Variants in SLC24A4 observed in about 807,000 individuals in gnomAD.
The protein encoded by SLC24A4 is sodium/potassium/calcium exchanger 4.
A neutral mutation model predicts 79.0 loss-of-function variants in SLC24A4; 53 were observed. That is an observed-to-expected ratio of 0.67 (90% CI 0.54 to 0.84). The LOEUF (loss-of-function observed/expected upper bound fraction) is 0.84, where lower values mean the gene tolerates loss of function less well. SLC24A4 is among the 40% of genes least tolerant of loss of function. The pLI is 0.00. For synonymous variants in SLC24A4, 323 were observed against 323.8 expected (o/e 1.00, Z 0.03); for missense variants, 731 against 822.0 (o/e 0.89, Z 1.35).
chr14:92,353,489 C>G lies in SLC24A4; in HGVS notation c.241+27511C>G, dbSNP rs1887000610. ...CAGATGGTGCCAGAGGGTCCTCCAT[C>G]AAGTCTGTACCCATTGGCAGCCTTT... On this transcript the variant is annotated intron_variant, in intron 2 of 16. Transcript: ENST00000532405. This position sits in a 1 kb window ranked among gnomAD's most constrained non-coding sequence, Gnocchi z 4.1. 6.6e-6 allele frequency among the ~76,000 whole-genome samples: 1 copy of G among 152,328 alleles called. No homozygotes were observed. The highest frequency in any genetic ancestry group is 2.1e-4 in the South Asian group (1 of 4,828).
chr14:92,447,508 C>G, intron 9 of SLC24A4, 84 bp downstream of exon 9: 1 of 1,320,726 alleles, frequency 7.6e-7, no homozygotes, highest in Non-Finnish European at 1.1e-6. Flanking sequence ...GGGAGAAAAA[C>G]ATCTGTCAGA....
rs11849616 is a variant in SLC24A4, at chr14:92,482,648, C to T, written c.1256-32C>T. On this transcript the variant is annotated intron_variant, in intron 12 of 16. Coordinates refer to ENST00000532405, the MANE Select transcript of SLC24A4 (RefSeq NM_153646.4). ...TGTTACCCAGTGTCTTTCTCTCCCC[C>T]TCCTTTCTCACTCTGCCCCTTCACC... 8 of 1,567,540 alleles carry T rather than the reference C, an allele frequency of 5.1e-6. No homozygotes were observed. The Middle Eastern group carries it at 8.5e-4, about 167-fold the overall frequency.
intron 2 of SLC24A4, among the ~76,000 whole-genome samples, chr14:92,357,349 G>A (rs1887236749): frequency 1.3e-5 from 2 of 152,168 alleles, no homozygotes; most frequent in Admixed American, 1.3e-4. Flanking sequence ...ACGTAACTAG[G>A]AAGAATATAT....
chr14:92,467,888 C>T (rs1277423290), intron 12 of SLC24A4, among the ~76,000 whole-genome samples: 1 of 152,194 alleles, frequency 6.6e-6, no homozygotes, highest in Non-Finnish European at 1.5e-5. Context: ...CATCCCCCAG[C>T]CCTGCTGGAC....
intron 3 of SLC24A4, among the ~76,000 whole-genome samples, chr14:92,435,564 T>A (rs1266033874): frequency 2.6e-5 from 4 of 152,144 alleles, no homozygotes; most frequent in South Asian, 2.1e-4. Flanking sequence ...CACAGCAAAT[T>A]TTCCTCCTGA....
chr14:92,323,150 G>A (rs1884884256), upstream of SLC24A4: 1 of 152,164 alleles, frequency 6.6e-6, no homozygotes, highest in African/African-American at 2.4e-5. This position sits in a 1 kb window ranked among gnomAD's most constrained non-coding sequence, Gnocchi z 4.9. Flanking sequence ...CGGGCGGGAG[G>A]CGCCACGGCC....
Position 92,440,803 on chromosome 14 carries a change from G to A in SLC24A4, c.394-1286G>A, listed in dbSNP as rs116118583. Among the ~76,000 whole-genome samples the A allele has an allele frequency of 4.1e-3, 617 of 151,790 alleles. 3 individuals carry two copies. Among genetic ancestry groups the A allele is most frequent in the African/African-American group, 0.014 (593 of 41,340 alleles). ...AAATCTGGGAAGGCTTCATGGAGGA[G>A]GTGGCATTGGGTCCAGGTTTCAGAA... is the stretch of plus-strand genomic sequence containing the variant. On this transcript the variant is annotated intron_variant, in intron 4 of 16. Coordinates refer to ENST00000532405, the MANE Select transcript of SLC24A4 (RefSeq NM_153646.4).
At chr14:92,324,255 G>C (rs1429054850) in intron 1 of SLC24A4, among the ~76,000 whole-genome samples, 1 of 152,236 alleles carries the variant, frequency 6.6e-6, no homozygotes, top group Non-Finnish European at 1.5e-5. Context: ...AGTGCGCCCG[G>C]AATGGGCAGC....
chr14:92,429,288 G>A (rs1182908108), intron 2 of SLC24A4, among the ~76,000 whole-genome samples: 1 of 152,098 alleles, frequency 6.6e-6, no homozygotes, highest in Non-Finnish European at 1.5e-5. Flanking sequence ...TCTGAGGTAT[G>A]GTGGTAGATA....
At chr14:92,409,266 A>G (rs148182924) in intron 2 of SLC24A4, among the ~76,000 whole-genome samples, 3 of 152,278 alleles carry the variant, frequency 2.0e-5, no homozygotes, top group African/African-American at 7.2e-5. Context: ...TGGAGAATGG[A>G]CCTAGGGAAG....
In SLC24A4 at chr14:92,433,992, A is replaced by T; in HGVS notation, c.318+4A>T. On this transcript the variant is annotated splice_donor_region_variant and intron_variant, in intron 3 of 16. Transcript: ENST00000532405. ...CGTCCTGCTGCACATCCTTGGTGTA[A>T]GTCGTCCTCCCAGAGTGGTCACAAA... The T allele has an allele frequency of 6.2e-7, 1 of 1,613,700 alleles. No individual in the cohort carries two copies. The highest frequency in any genetic ancestry group is 8.5e-7 in the Non-Finnish European group (1 of 1,179,540).
intron 7 of SLC24A4, 150 bp from the exon 8 acceptor site, chr14:92,445,167 G>A (rs1221497953): frequency 2.3e-6 from 2 of 854,562 alleles, no homozygotes; most frequent in Non-Finnish European, 4.0e-6. Context: ...ACTAAGGAAA[G>A]GCCCGTAGGT....
intron 2 of SLC24A4, among the ~76,000 whole-genome samples, chr14:92,356,704 T>C (rs7143549): frequency 1 from 152,343 of 152,352 alleles, 76,167 homozygotes; most frequent in Non-Finnish European, 1. Flanking sequence ...AGACCTTGTC[T>C]TTCTCCTGGA....
chr14:92,331,306 C>T (rs1885462150), intron 2 of SLC24A4, among the ~76,000 whole-genome samples: 1 of 152,146 alleles, frequency 6.6e-6, no homozygotes, highest in Admixed American at 6.5e-5. Context: ...AAAAATGAGA[C>T]AGGGTCTCAC....
intron 11 of SLC24A4, among the ~76,000 whole-genome samples, chr14:92,455,302 T>A (rs948626572): frequency 6.6e-6 from 1 of 152,166 alleles, no homozygotes; most frequent in Non-Finnish European, 1.5e-5. Flanking sequence ...ACAAAAGACA[T>A]GTACACAAAT....
rs537016775 is a variant in SLC24A4 at position 92,379,094 on chromosome 14, A to C, written c.241+53116A>C. ...AATAAATAGCTAGCTAGCTAGCTAG[A>C]TAGATAGCAAAATGATACCTTGGAA... On this transcript the variant is annotated intron_variant, in intron 2 of 16. Coordinates refer to ENST00000532405, the MANE Select transcript of SLC24A4 (RefSeq NM_153646.4). Among the ~76,000 whole-genome samples, 47 of 152,178 alleles carry C rather than the reference A, an allele frequency of 3.1e-4. 1 individual carries two copies. Among genetic ancestry groups the C allele is most frequent in the Non-Finnish European group, 4.9e-4 (33 of 68,012 alleles).
At chr14:92,376,713 G>A (rs1274490634) in intron 2 of SLC24A4, among the ~76,000 whole-genome samples, 1 of 152,212 alleles carries the variant, frequency 6.6e-6, no homozygotes, top group East Asian at 1.9e-4. Flanking sequence ...GTTTAGCTCA[G>A]GTGCCTGGGG....
Position 92,442,711 on chromosome 14 carries a change from A to C in SLC24A4, c.479-2A>C, listed in dbSNP as rs1892566422. ...CCCAGGGTCTGTGTGTTTCCTTTCC[A>C]GGGGTGTTCATCACCCATGGGGACG... On this transcript the variant is annotated splice_acceptor_variant, in intron 5 of 16. Transcript: ENST00000532405. LOFTEE classifies it high-confidence loss of function. 1 of 1,607,568 alleles carries C rather than the reference A, an allele frequency of 6.2e-7. No individual in the cohort carries two copies. Among genetic ancestry groups the C allele is most frequent in the African/African-American group, 1.3e-5 (1 of 74,740 alleles).
chr14:92,394,239 A>G (rs143164277), intron 2 of SLC24A4, among the ~76,000 whole-genome samples: 156 of 151,994 alleles, frequency 1.0e-3, no homozygotes, highest in African/African-American at 3.7e-3. Context: ...CTCTCTCCTT[A>G]TAAATTAGAA....
Sources: gnomAD v4.1 joint callset for allele counts (sites outside exome capture counted in the v4.1 genomes callset) on GRCh38, gnomAD v4.1.1 for gene constraint, Gnocchi (gnomAD v3.1) non-coding constraint, MANE v1.5 for transcripts, NCBI Gene and HGNC (gene_info 2026-07-23, HGNC 2026-07-21) for gene names.